Variants in EYA1 observed in about 807,000 individuals in gnomAD.
The protein encoded by EYA1 is EYA transcriptional coactivator and phosphatase 1.
EYA1 carries 16 observed loss-of-function variants against 82.0 expected under a neutral mutation model. The observed-to-expected ratio is 0.20, with a 90% CI of 0.13 to 0.30. The LOEUF (loss-of-function observed/expected upper bound fraction) is 0.30. Ranked by LOEUF, EYA1 falls within the 10% of genes least tolerant of loss-of-function variation. The pLI is 1.00. For missense variants in EYA1, 633 were observed against 730.7 expected (o/e 0.87, Z 1.54); for synonymous variants, 261 against 264.4 (o/e 0.99, Z 0.12).
chr8:71,317,688 A>G lies in EYA1; in HGVS notation c.420T>C (p.Gly140=). The part of the protein sequence containing the change: ...PGQPYGISSY[G]ALWAGIKTEG... The stretch of plus-strand genomic sequence containing the variant: ...CAGTCTTGATGCCTGCCCACAATGC[A>G]CCTAAATCAGTTAGTGATAGCTTAT... Residue 140 remains glycine (G), a splice_region_variant and synonymous_variant, in exon 7 of 18, where the codon GGT becomes GGC. Transcript: ENST00000340726. The G allele has an allele frequency of 6.2e-7, 1 of 1,614,068 alleles. No homozygotes were observed. The highest frequency in any genetic ancestry group is 8.5e-7 in the Non-Finnish European group (1 of 1,179,940).
chr8:71,506,245 G>A (rs1812182912), intron 2 of EYA1, among the ~76,000 whole-genome samples: 1 of 152,188 alleles, frequency 6.6e-6, no homozygotes, highest in Non-Finnish European at 1.5e-5. Flanking sequence ...CCACTATGAT[G>A]AGAAATGTCA....
At chr8:71,277,056 T>C (rs7844489) in intron 9 of EYA1, among the ~76,000 whole-genome samples, 4,579 of 150,316 alleles carry the variant, frequency 0.03, 232 homozygotes, top group African/African-American at 0.11. Flanking sequence ...CTACTTCAGA[T>C]AGACAAACTT....
chr8:71,538,977 C>T (rs373781039), intron 1 of EYA1, among the ~76,000 whole-genome samples: 22 of 152,206 alleles, frequency 1.4e-4, no homozygotes, highest in African/African-American at 4.3e-4. Context: ...CCTTTATTTA[C>T]GCACTTTTGA....
chr8:71,541,190 A>T (rs1029655091), intron 1 of EYA1, among the ~76,000 whole-genome samples: 1 of 152,248 alleles, frequency 6.6e-6, no homozygotes, highest in Non-Finnish European at 1.5e-5. Flanking sequence ...CAAACAGTGA[A>T]AAGGGGTATA....
chr8:71,296,553 A>G (rs564329563), intron 9 of EYA1, among the ~76,000 whole-genome samples: 23 of 152,130 alleles, frequency 1.5e-4, no homozygotes, highest in African/African-American at 5.5e-4. Context: ...GGTCATACAT[A>G]AGATAAGAAA....
In EYA1 at chr8:71,475,098, T is replaced by C. The variant is rs577743390; in HGVS notation, c.33+60646A>G. The stretch of plus-strand genomic sequence containing the variant: ...AGTGAGCCGAGATCATACATTGCAC[T>C]CCAGCCTGGGCAATAAGAGCGAAAC... On this transcript the variant is annotated intron_variant, in intron 2 of 18. Transcript: ENST00000643681. Among the ~76,000 whole-genome samples, 3 of 152,150 alleles carry C rather than the reference T, an allele frequency of 2.0e-5. No homozygotes were observed. In the South Asian group the frequency reaches 6.2e-4, roughly 32 times the overall value.
intron 1 of EYA1, among the ~76,000 whole-genome samples, chr8:71,540,426 C>A (rs1586913092): frequency 6.6e-6 from 1 of 152,082 alleles, no homozygotes; most frequent in Admixed American, 6.6e-5. Flanking sequence ...TCACAAACAT[C>A]CTGGCTATTT....
At chr8:71,455,293 G>T (rs1048565443) in intron 2 of EYA1, among the ~76,000 whole-genome samples, 2 of 152,058 alleles carry the variant, frequency 1.3e-5, no homozygotes, top group Non-Finnish European at 2.9e-5. Flanking sequence ...AAAAGTCCAG[G>T]ACCAGACAGA....
intron 2 of EYA1, among the ~76,000 whole-genome samples, chr8:71,446,788 C>A (rs1180672361): frequency 6.6e-6 from 1 of 152,140 alleles, no homozygotes; most frequent in East Asian, 1.9e-4. Context: ...TCAGAGTGAA[C>A]CACTGCAGTT....
chr8:71,225,380 T>C (rs971581441), intron 12 of EYA1: 2 of 453,446 alleles, frequency 4.4e-6, no homozygotes, highest in East Asian at 7.0e-5. Flanking sequence ...CATCTCTGTC[T>C]AGGGTACACC....
At chr8:71,322,152 G>A (rs762055842) in intron 5 of EYA1, 47 bp downstream of exon 5, 1 of 1,462,800 alleles carries the variant, frequency 6.8e-7, no homozygotes, top group Admixed American at 1.7e-5. Context: ...ATAAATAAAA[G>A]TCTACTCAGA....
At chr8:71,366,328 A>G (rs1477119320), upstream of EYA1, among the ~76,000 whole-genome samples, 1 of 152,202 alleles carries the variant, frequency 6.6e-6, no homozygotes, top group African/African-American at 2.4e-5. Context: ...ATGGCAAACC[A>G]TTACTTTTTC....
intron 12 of EYA1, among the ~76,000 whole-genome samples, chr8:71,239,003 CTG>C (rs1183622379): frequency 1.3e-5 from 2 of 151,828 alleles, no homozygotes; most frequent in South Asian, 2.1e-4. Flanking sequence ...TATTTTAAGA[CTG>C]TTCTGATGAA....
intron 11 of EYA1, among the ~76,000 whole-genome samples, chr8:71,254,173 A>G (rs986922406): frequency 1.3e-5 from 2 of 151,090 alleles, no homozygotes; most frequent in Admixed American, 6.6e-5. Flanking sequence ...AGCTTCTCCA[A>G]CTGGAGTACT....
chr8:71,522,619 C>CTTTTT (rs35579621), intron 2 of EYA1, among the ~76,000 whole-genome samples: 1 of 135,570 alleles, frequency 7.4e-6, no homozygotes, highest in Non-Finnish European at 1.6e-5. Flanking sequence ...TCAATACAAA[C>CTTTTT]TTTTTTTTTT....
chr8:71,346,264 G>A (rs1825694052), intron 3 of EYA1, among the ~76,000 whole-genome samples: 1 of 151,802 alleles, frequency 6.6e-6, no homozygotes, highest in African/African-American at 2.4e-5. Flanking sequence ...ACATTTAATA[G>A]TGAACTTCTC....
intron 12 of EYA1, among the ~76,000 whole-genome samples, chr8:71,239,975 G>A (rs946515893): frequency 1.3e-5 from 2 of 152,066 alleles, no homozygotes; most frequent in South Asian, 2.1e-4. Context: ...TAACATTGGC[G>A]TAACTGATAT....
At chr8:71,533,758 ACCT>A (rs1211579630) in intron 2 of EYA1, among the ~76,000 whole-genome samples, 4 of 152,120 alleles carry the variant, frequency 2.6e-5, no homozygotes, top group African/African-American at 7.2e-5. Context: ...AGATTGTGAC[ACCT>A]CCTGGCTGAG....
intron 2 of EYA1, among the ~76,000 whole-genome samples, chr8:71,478,996 C>G (rs566492988): frequency 2.6e-5 from 4 of 152,256 alleles, no homozygotes; most frequent in Admixed American, 2.6e-4. Context: ...ATGACATGCT[C>G]CTCTGCTTAC....
Sources: allele counts gnomAD v4.1 joint callset (sites outside exome capture counted in the v4.1 genomes callset), GRCh38; gene constraint gnomAD v4.1.1; transcripts MANE v1.5; gene names NCBI Gene and HGNC (gene_info 2026-07-23, HGNC 2026-07-21).